Variants in CBFA2T3 observed in about 807,000 individuals in gnomAD.
CBFA2T3 encodes the protein transcriptional corepressor CBFA2T3.
Under a neutral mutation model 58.6 loss-of-function variants are expected in CBFA2T3, and 31 were observed. The ratio of observed to expected loss-of-function variants is 0.53; its 90% confidence interval spans 0.40 to 0.71. The LOEUF (loss-of-function observed/expected upper bound fraction) is 0.71, where lower values mean the gene tolerates loss of function less well. CBFA2T3 is among the 30% of genes least tolerant of loss of function. CBFA2T3 has a pLI of 0.00. For synonymous variants in CBFA2T3, 531 were observed against 421.9 expected (o/e 1.26, Z -3.17); for missense variants, 1,076 against 963.1 (o/e 1.12, Z -1.55).
At chr16:88,915,964 G>T (rs996744984) in intron 1 of CBFA2T3, among the ~76,000 whole-genome samples, 8 of 152,122 alleles carry the variant, frequency 5.3e-5, no homozygotes, top group Non-Finnish European at 1.0e-4. Context: ...GTACGTGGGT[G>T]CATGGGTCTG....
intron 1 of CBFA2T3, among the ~76,000 whole-genome samples, chr16:88,936,544 C>G (rs548463858): frequency 1.3e-5 from 2 of 152,206 alleles, no homozygotes; most frequent in South Asian, 4.2e-4. Context: ...CAGGGGCAGC[C>G]GAGGAGGCTC....
At chr16:88,928,750 G>A (rs866737094) in intron 1 of CBFA2T3, among the ~76,000 whole-genome samples, 3 of 152,228 alleles carry the variant, frequency 2.0e-5, no homozygotes, top group Non-Finnish European at 2.9e-5. Context: ...CTGTGCAAAC[G>A]TACGAGACCG....
intron 1 of CBFA2T3, among the ~76,000 whole-genome samples, chr16:88,904,999 C>T (rs554115414): frequency 3.3e-5 from 5 of 152,094 alleles, no homozygotes; most frequent in South Asian, 2.1e-4. Flanking sequence ...AGACTCTACC[C>T]GAGAAAGCAG....
intron 2 of CBFA2T3, among the ~76,000 whole-genome samples, chr16:88,900,240 T>G (rs2142632569): frequency 6.6e-6 from 1 of 152,388 alleles, no homozygotes; most frequent in Admixed American, 6.5e-5. Context: ...TACCTGCCTC[T>G]GGGCGGCACA....
chr16:88,901,654 G>T lies in CBFA2T3; in HGVS notation c.154C>A (p.Pro52Thr). ...GAGGCCTTAGCTTTCCTGTCCACTGGGGCTGCGACCAACGGAGAAAGAAAG... is the reference window on the plus strand; with the variant it reads ...GAGGCCTTAGCTTTCCTGTCCACTGTGGCTGCGACCAACGGAGAAAGAAAG... ...PRGPRKGGPA[P>T]VDRKAKASAM... Residue 52 changes from proline to threonine, a missense_variant and splice_region_variant, in exon 2 of 12, where the codon CCA becomes ACA. Pro to Thr is a conservative substitution (Grantham distance 38). Transcript: ENST00000268679. 1 of 1,527,238 alleles carries T rather than the reference G, an allele frequency of 6.5e-7. No homozygotes were observed. Among genetic ancestry groups the T allele is most frequent in the Non-Finnish European group, 8.7e-7 (1 of 1,149,416 alleles). 94.6% of individuals were successfully genotyped at this position (1,527,238 alleles called of 1,614,324 possible). A position where few individuals can be genotyped will look rare whatever the true frequency, so the allele number is the denominator to read the frequency against.
In CBFA2T3 at chr16:88,958,054, G is replaced by A. The variant is rs1055661081; in HGVS notation, c.151+18603C>T. ...GTAGACCCGGAACGAAAGTACCTGT[G>A]AGCTGCTCACAATCCCTCGCTCACA... On this transcript the variant is annotated intron_variant, in intron 1 of 11. Coordinates refer to ENST00000268679, the MANE Select transcript of CBFA2T3 (RefSeq NM_005187.6). The surrounding 1 kb of genome is among the most constrained non-coding windows in gnomAD (Gnocchi z 4.0). Among the ~76,000 whole-genome samples the A allele has an allele frequency of 6.6e-6, 1 of 152,192 alleles. No homozygotes were observed. The highest frequency in any genetic ancestry group is 2.4e-5 in the African/African-American group (1 of 41,450).
chr16:88,907,778 T>G (rs1024874690), intron 1 of CBFA2T3, among the ~76,000 whole-genome samples: 6 of 152,212 alleles, frequency 3.9e-5, no homozygotes, highest in African/African-American at 1.4e-4. Context: ...TGGCATCTTC[T>G]AATTGTCCCC....
Position 88,876,775 on chromosome 16 carries a change from A to G in CBFA2T3, c.*201T>C, listed in dbSNP as rs988228480. On this transcript the variant is annotated 3_prime_UTR_variant, in exon 12 of 12. Coordinates refer to ENST00000268679, the MANE Select transcript of CBFA2T3 (RefSeq NM_005187.6). ...ATCATTAGGTAGCTGAGGCAGGTGC[A>G]CTGAATGCGGTTTTGTTGGTTCTGT... 1.0e-5 allele frequency: 5 copies of G among 491,324 alleles called. No homozygotes were observed. The highest frequency in any genetic ancestry group is 1.8e-5 in the Non-Finnish European group (5 of 283,782). 30.4% of individuals were successfully genotyped at this position (491,324 alleles called of 1,614,324 possible).
intron 1 of CBFA2T3, among the ~76,000 whole-genome samples, chr16:88,942,027 TC>T (rs1971759303): frequency 6.6e-6 from 1 of 151,614 alleles, no homozygotes; most frequent in South Asian, 2.1e-4. Context: ...CCCGGGCGGG[TC>T]CGATGCGAAG....
At chr16:88,963,605 C>T (rs1340827879) in intron 1 of CBFA2T3, among the ~76,000 whole-genome samples, 1 of 152,202 alleles carries the variant, frequency 6.6e-6, no homozygotes. Flanking sequence ...TTATCGTGGA[C>T]ATTCCATAAA....
chr16:88,907,283 C>T (rs955016437), intron 1 of CBFA2T3, among the ~76,000 whole-genome samples: 2 of 152,170 alleles, frequency 1.3e-5, no homozygotes, highest in African/African-American at 4.8e-5. Context: ...GGGGCACCTG[C>T]TGTCCCCACC....
At chr16:88,951,818 CA>C (rs1307741977) in intron 1 of CBFA2T3, among the ~76,000 whole-genome samples, 1 of 152,232 alleles carries the variant, frequency 6.6e-6, no homozygotes, top group Non-Finnish European at 1.5e-5. Context: ...GTGGCCTGGA[CA>C]GCCGCTGGGA....
intron 7 of CBFA2T3, 50 bp from the exon 8 acceptor site, chr16:88,882,811 GC>G: frequency 7.9e-7 from 1 of 1,267,844 alleles, no homozygotes. Context: ...GCCAGTCTCT[GC>G]CCTATTCTCC....
In CBFA2T3 at chr16:88,901,625, C is replaced by A; in HGVS notation, c.183G>T (p.Ala61=). 6.5e-7 allele frequency: 1 copy of A among 1,528,604 alleles called. No homozygotes were observed. The allele number at this position is 1,528,604 out of a possible 1,614,324, so 94.7% of individuals were successfully genotyped here. ...TCACCTCCGCTGGGGAGTCCGGCAT[C>A]GCTGAGGCCTTAGCTTTCCTGTCCA... The part of the protein sequence containing the change: ...APVDRKAKAS[A]MPDSPAEVKT... Residue 61 remains alanine (A), a synonymous_variant, in exon 2 of 12, where the codon GCG becomes GCT. Coordinates refer to ENST00000268679, the MANE Select transcript of CBFA2T3 (RefSeq NM_005187.6).
intron 1 of CBFA2T3, among the ~76,000 whole-genome samples, chr16:88,959,719 G>C (rs987417709): frequency 6.6e-6 from 1 of 152,184 alleles, no homozygotes; most frequent in Non-Finnish European, 1.5e-5. Flanking sequence ...ACGGTATCTG[G>C]GATTACAGGA....
At position 88,885,169 on chromosome 16, in the gene CBFA2T3, C is replaced by T. The variant is rs778095408; in HGVS notation, c.994G>A (p.Gly332Arg). 1.7e-5 allele frequency: 27 copies of T among 1,602,450 alleles called. No homozygotes were observed. The highest frequency in any genetic ancestry group is 5.0e-5 in the Admixed American group (3 of 59,560). Reference protein sequence around the residue: ...NPAQRYSPSNGPPQPTPPPHY... With the variant: ...NPAQRYSPSNRPPQPTPPPHY... ...GGCGGCGGTGTGGGCTGCGGTGGCC[C>T]GTTGCTGGGGCTGTAGCGCTGGGCA... is the stretch of plus-strand genomic sequence containing the variant. The change falls in exon 7 of 12, where the codon GGG (glycine) becomes AGG (arginine). Residue 332 changes from glycine (G) to arginine (R), a missense_variant. Coordinates refer to ENST00000268679, the MANE Select transcript of CBFA2T3 (RefSeq NM_005187.6). The surrounding 1 kb of genome is among the most constrained non-coding windows in gnomAD (Gnocchi z 5.3).
At chr16:88,925,783 C>G (rs1450433865) in intron 1 of CBFA2T3, among the ~76,000 whole-genome samples, 1 of 152,230 alleles carries the variant, frequency 6.6e-6, no homozygotes, top group Non-Finnish European at 1.5e-5. Flanking sequence ...GGGCTCAGAG[C>G]TGCTCCTGCT....
intron 1 of CBFA2T3, among the ~76,000 whole-genome samples, chr16:88,934,792 T>C (rs1346065291): frequency 6.6e-6 from 1 of 151,874 alleles, no homozygotes; most frequent in Non-Finnish European, 1.5e-5. Flanking sequence ...CAGGCTGGAG[T>C]GCAGTGGCGC....
chr16:88,963,294 G>A (rs1972415758), intron 1 of CBFA2T3, among the ~76,000 whole-genome samples: 1 of 151,688 alleles, frequency 6.6e-6, no homozygotes, highest in African/African-American at 2.4e-5. Context: ...GCCAGGGGTG[G>A]GCGCTCATCT....
Sources: gnomAD v4.1 joint callset for allele counts (sites outside exome capture counted in the v4.1 genomes callset) on GRCh38, gnomAD v4.1.1 for gene constraint, Gnocchi (gnomAD v3.1) non-coding constraint, MANE v1.5 for transcripts, NCBI Gene and HGNC (gene_info 2026-07-23, HGNC 2026-07-21) for gene names.